The following MYH1 variants were observed in gnomAD, a reference collection of about 807,000 sequenced individuals.
The protein encoded by MYH1 is myosin heavy chain 1, also known as myosin-1.
A neutral mutation model predicts 225.6 loss-of-function variants in MYH1; 214 were observed. The ratio of observed to expected loss-of-function variants is 0.95; its 90% CI spans 0.85 to 1.06. The LOEUF is 1.06. Ranked by LOEUF, MYH1 falls within the 50% of genes least tolerant of loss-of-function variation. MYH1 has a pLI of 0.00. For missense variants in MYH1, 2,098 were observed against 2,344.2 expected (o/e 0.89, Z 2.17); for synonymous variants, 774 against 842.3 (o/e 0.92, Z 1.40).
intron 35 of MYH1, among the ~76,000 whole-genome samples, chr17:10,495,666 C>T (rs1394751092): frequency 6.9e-6 from 1 of 145,822 alleles, no homozygotes; most frequent in African/African-American, 2.5e-5. Context: ...GAGGCTGAGG[C>T]AGGAGAATGG....
Position 10,499,227 on chromosome 17 carries a change from G to A in MYH1, c.3866-135C>T, listed in dbSNP as rs532259009. The A allele has an allele frequency of 3.7e-5, 27 of 734,166 alleles. No individual in the cohort carries two copies. The African/African-American group carries it at 3.9e-4, about 11-fold the overall frequency. The allele number at this position is 734,166 out of a possible 1,614,324, so 45.5% of individuals were successfully genotyped here. ...GGGTGACAACAAACCACCAACATCCGCTTTAACCTTGATAAGCAGATCCAT... is the reference window on the plus strand; with the variant it reads ...GGGTGACAACAAACCACCAACATCCACTTTAACCTTGATAAGCAGATCCAT... On this transcript the variant is annotated intron_variant, in intron 28 of 39. Transcript: ENST00000226207.
chr17:10,516,387 A>T, intron 3 of MYH1, 45 bp from the exon 4 acceptor site: 1 of 1,614,156 alleles, frequency 6.2e-7, no homozygotes, highest in South Asian at 1.1e-5. Context: ...GTAAGTGCTA[A>T]CTTAACCCAA....
At position 10,495,946 on chromosome 17, in the gene MYH1, G is replaced by T. The variant is rs74828762; in HGVS notation, c.5169+4C>A. ...ATTTGTTGCTATTCTATTATTACAT[G>T]CACCTGGGTGTGCAGGAGCTGAACA... is the stretch of plus-strand genomic sequence containing the variant. On this transcript the variant is annotated splice_donor_region_variant and intron_variant, in intron 35 of 39. Coordinates refer to ENST00000226207, the MANE Select transcript of MYH1 (RefSeq NM_005963.4). 1 of 1,613,910 alleles carries T rather than the reference G, an allele frequency of 6.2e-7. No individual in the cohort carries two copies. The highest frequency in any genetic ancestry group is 8.5e-7 in the Non-Finnish European group (1 of 1,179,954).
rs773793379 is a variant in MYH1 at position 10,512,553 on chromosome 17, T to C, written c.1009-7A>G. On this transcript the variant is annotated splice_region_variant and splice_polypyrimidine_tract_variant and intron_variant, in intron 11 of 39. Coordinates refer to ENST00000226207, the MANE Select transcript of MYH1 (RefSeq NM_005963.4). ...CCAGAATTTCAATGGCACTCTACCA[T>C]GAGAGATGAGAAGACAAAGATTAGG... is the stretch of plus-strand genomic sequence containing the variant. 2 of 1,613,908 alleles carry C rather than the reference T, an allele frequency of 1.2e-6. No individual in the cohort carries two copies. The highest frequency in any genetic ancestry group is 1.3e-5 in the African/African-American group (1 of 74,920).
chr17:10,499,092 C>T lies in MYH1; in HGVS notation c.3866G>A (p.Gly1289Asp), dbSNP rs777978679. The T allele has an allele frequency of 5.0e-6, 8 of 1,607,038 alleles. No homozygotes were observed. The highest frequency in any genetic ancestry group is 1.7e-5 in the Admixed American group (1 of 59,634). Residue 1289 changes from glycine (G) to aspartate (D), a missense_variant and splice_region_variant, in exon 29 of 40, where the codon GGT becomes GAT. Gly to Asp is a moderately conservative substitution (Grantham distance 94). Coordinates refer to ENST00000226207, the MANE Select transcript of MYH1 (RefSeq NM_005963.4). ...AQRARLQTES[G>D]EYSRQLDEKD... is the part of the protein sequence containing the mutation. Reference sequence around the variant, plus strand: ...TTCATCTAGCTGGCGTGAATATTCACCTGTAAAAGACCAAGTCCAGAAAAC... The same window carrying T: ...TTCATCTAGCTGGCGTGAATATTCATCTGTAAAAGACCAAGTCCAGAAAAC...
At chr17:10,497,706 A>G (rs759276469) in intron 31 of MYH1, 28 bp downstream of exon 31, 1 of 1,612,242 alleles carries the variant, frequency 6.2e-7, no homozygotes, top group East Asian at 2.2e-5. Flanking sequence ...TCTGTGTTGA[A>G]AGTTGAAGCA....
chr17:10,508,239 G>C, intron 16 of MYH1, 124 bp downstream of exon 16: 1 of 1,136,888 alleles, frequency 8.8e-7, no homozygotes, highest in Non-Finnish European at 1.2e-6. Context: ...GGCTGGTCTT[G>C]AACTCCTGAC....
At chr17:10,495,826 TA>T (rs2072986431) in intron 35 of MYH1, 123 bp downstream of exon 35, 13 of 1,066,686 alleles carry the variant, frequency 1.2e-5, no homozygotes, top group Non-Finnish European at 1.6e-5. Context: ...ATCAAAAAAA[TA>T]AAATATTTTA....
At chr17:10,495,774 A>AAAAAAAAAAAAAAAAAAAAC in intron 35 of MYH1, among the ~76,000 whole-genome samples, 176 bp downstream of exon 35, 1 of 149,850 alleles carries the variant, frequency 6.7e-6, no homozygotes, top group Non-Finnish European at 1.5e-5. Flanking sequence ...AAAAAAAAAA[A>AAAAAAAAAAAAAAAAAAAAC]AATCAACTAT....
chr17:10,495,794 A>G (rs1903153718), intron 35 of MYH1, among the ~76,000 whole-genome samples, 156 bp downstream of exon 35: 1 of 141,240 alleles, frequency 7.1e-6, no homozygotes, highest in Admixed American at 7.1e-5. Flanking sequence ...TGGATGTTAT[A>G]GTTCAGATAA....
chr17:10,515,664 T>G (rs2073217885), intron 5 of MYH1, among the ~76,000 whole-genome samples: 1 of 152,162 alleles, frequency 6.6e-6, no homozygotes, highest in Non-Finnish European at 1.5e-5. Flanking sequence ...AAATTGTGTG[T>G]TTCCAAGCAA....
intron 14 of MYH1, 112 bp downstream of exon 14, chr17:10,511,727 G>T: frequency 6.5e-7 from 1 of 1,532,062 alleles, no homozygotes; most frequent in Non-Finnish European, 9.0e-7. Context: ...AGTTTAAAGT[G>T]CAGCTATTTT....
chr17:10,515,012 A>G (rs2073211370), intron 5 of MYH1, 117 bp from the exon 6 acceptor site: 4 of 899,658 alleles, frequency 4.4e-6, no homozygotes, highest in South Asian at 2.9e-5. Context: ...TTTTCAATAT[A>G]TTATGGTAAA....
chr17:10,507,149 T>C (rs2874401), intron 17 of MYH1, among the ~76,000 whole-genome samples: 136,418 of 152,012 alleles, frequency 0.9, 61,716 homozygotes, highest in East Asian at 1. Context: ...TGGCAACCTC[T>C]GCCTCCTGGG....
chr17:10,509,373 T>C (rs2073149168), intron 15 of MYH1, 112 bp downstream of exon 15: 1 of 1,529,542 alleles, frequency 6.5e-7, no homozygotes, highest in Admixed American at 1.9e-5. Context: ...GGAATTCTCC[T>C]CATGTTTTTC....
At chr17:10,500,876 A>G (rs1350410197) in intron 27 of MYH1, 124 bp from the exon 28 acceptor site, 2 of 1,458,266 alleles carry the variant, frequency 1.4e-6, no homozygotes, top group Non-Finnish European at 1.9e-6. Context: ...TATCTTTACA[A>G]ACAAAACCAG....
In MYH1 at chr17:10,512,658, A is replaced by T. The variant is rs1354347816; in HGVS notation, c.1008+23T>A. ...CATTCCCATGCATAATGGATTTTAA[A>T]TTAAAATTCATGTATAACTTACATC... On this transcript the variant is annotated intron_variant, in intron 11 of 39. Transcript: ENST00000226207. 1.9e-6 allele frequency: 3 copies of T among 1,611,428 alleles called. No homozygotes were observed. In the South Asian group the frequency reaches 3.3e-5, roughly 18 times the overall value.
At chr17:10,509,335 A>C in intron 15 of MYH1, 150 bp downstream of exon 15, 1 of 1,260,340 alleles carries the variant, frequency 7.9e-7, no homozygotes, top group Non-Finnish European at 1.1e-6. Context: ...CTTTTACCAG[A>C]ATATCTACTT....
chr17:10,505,347 A>C, intron 20 of MYH1, 41 bp downstream of exon 20: 1 of 1,614,210 alleles, frequency 6.2e-7, no homozygotes, highest in Non-Finnish European at 8.5e-7. Context: ...TAAAGTTCAA[A>C]GGGACAGGAA....
Sources: allele counts gnomAD v4.1 joint callset (sites outside exome capture counted in the v4.1 genomes callset), GRCh38; gene constraint gnomAD v4.1.1; transcripts MANE v1.5; gene names NCBI Gene and HGNC (gene_info 2026-07-23, HGNC 2026-07-21).